TAF1B: variants seen among roughly 807,000 people sequenced by gnomAD.
The protein encoded by TAF1B is TATA-box binding protein associated factor, RNA polymerase I subunit B, also known as TATA box-binding protein-associated factor RNA polymerase I subunit B.
TAF1B carries 61 observed loss-of-function variants against 83.9 expected under a neutral mutation model. The ratio of observed to expected loss-of-function variants is 0.73; its 90% CI spans 0.59 to 0.90. The LOEUF (loss-of-function observed/expected upper bound fraction) is 0.90, where lower values mean the gene tolerates loss of function less well. TAF1B is among the 40% of genes least tolerant of loss of function. The pLI is 0.00. For synonymous variants in TAF1B, 221 were observed against 224.6 expected (o/e 0.98, Z 0.14); for missense variants, 625 against 677.0 (o/e 0.92, Z 0.85).
chr2:9,875,562 G>A (rs1429984634), intron 6 of TAF1B, among the ~76,000 whole-genome samples: 1 of 152,138 alleles, frequency 6.6e-6, no homozygotes, highest in East Asian at 1.9e-4. Flanking sequence ...CGTCTTACAT[G>A]GCAGCAGGCA....
At chr2:9,858,432 G>A (rs1663635653) in intron 5 of TAF1B, among the ~76,000 whole-genome samples, 1 of 152,216 alleles carries the variant, frequency 6.6e-6, no homozygotes, top group Admixed American at 6.5e-5. Flanking sequence ...AGTGCATGGT[G>A]CAAGATGTCA....
In TAF1B at chr2:9,865,135, A is replaced by T. The variant is rs1248113626; in HGVS notation, c.400-3141A>T. Among the ~76,000 whole-genome samples, 5 of 152,318 alleles carry T rather than the reference A, an allele frequency of 3.3e-5. No individual in the cohort carries two copies. The East Asian group carries it at 9.7e-4, about 29-fold the overall frequency. On this transcript the variant is annotated intron_variant, in intron 5 of 14. Coordinates refer to ENST00000263663, the MANE Select transcript of TAF1B (RefSeq NM_005680.3). ...AAATAAAGGGCATGCAATTAGGAAA[A>T]GAGGAAGTCAAATTGTCCCTGTTTG...
intron 5 of TAF1B, among the ~76,000 whole-genome samples, chr2:9,864,724 C>G (rs1170474714): frequency 6.6e-6 from 1 of 152,116 alleles, no homozygotes; most frequent in African/African-American, 2.4e-5. Context: ...AGCAGCACAT[C>G]AAAAAGCTTA....
At chr2:9,863,742 ACTGT>A (rs763952378) in intron 5 of TAF1B, among the ~76,000 whole-genome samples, 3 of 152,226 alleles carry the variant, frequency 2.0e-5, no homozygotes, top group Non-Finnish European at 2.9e-5. Context: ...ATTATAACAA[ACTGT>A]CTTTCAGACC....
At chr2:9,924,885 TC>T (rs1276373278) in intron 14 of TAF1B, among the ~76,000 whole-genome samples, 2 of 152,182 alleles carry the variant, frequency 1.3e-5, no homozygotes, top group Non-Finnish European at 2.9e-5. Flanking sequence ...TGTTTATTCT[TC>T]CTAGCTGAGG....
chr2:9,919,555 A>T, intron 13 of TAF1B, 43 bp from the exon 14 acceptor site: 1 of 1,531,980 alleles, frequency 6.5e-7, no homozygotes, highest in Non-Finnish European at 9.0e-7. Context: ...TTTGTGATTT[A>T]ACATTACTTG....
chr2:9,847,194 G>A (rs1014721305), intron 2 of TAF1B, among the ~76,000 whole-genome samples: 1 of 152,204 alleles, frequency 6.6e-6, no homozygotes, highest in African/African-American at 2.4e-5. Flanking sequence ...GTCAACTCCT[G>A]TGGAGTAATT....
At chr2:9,923,903 GC>G (rs1051705484) in intron 14 of TAF1B, among the ~76,000 whole-genome samples, 2 of 152,172 alleles carry the variant, frequency 1.3e-5, no homozygotes, top group African/African-American at 4.8e-5. Context: ...GCCATGCCCT[GC>G]CTCCTCCAGC....
At chr2:9,880,627 C>G (rs1572244157) in intron 7 of TAF1B, among the ~76,000 whole-genome samples, 3 of 152,168 alleles carry the variant, frequency 2.0e-5, no homozygotes, top group African/African-American at 7.2e-5. Context: ...TGTTGTGCTG[C>G]TTGAGACAGT....
intron 3 of TAF1B, among the ~76,000 whole-genome samples, chr2:9,849,742 T>C (rs945568470): frequency 3.2e-4 from 49 of 152,180 alleles, no homozygotes; most frequent in African/African-American, 1.1e-3. Flanking sequence ...ATTTCTTGTG[T>C]TGAATTTTGA....
intron 8 of TAF1B, among the ~76,000 whole-genome samples, chr2:9,894,544 G>C (rs1346088721): frequency 6.6e-6 from 1 of 152,150 alleles, no homozygotes; most frequent in African/African-American, 2.4e-5. Context: ...GAAACCAACA[G>C]TGAATTACTC....
chr2:9,921,707 G>C (rs1665885440), intron 14 of TAF1B, among the ~76,000 whole-genome samples: 1 of 152,000 alleles, frequency 6.6e-6, no homozygotes, highest in African/African-American at 2.4e-5. Context: ...TAATCAGTGG[G>C]GTATACAGGT....
intron 6 of TAF1B, among the ~76,000 whole-genome samples, chr2:9,872,325 T>TAA (rs34234383): frequency 0.018 from 2,509 of 138,068 alleles, 74 homozygotes; most frequent in African/African-American, 0.062. Context: ...GATTCCATCT[T>TAA]AAAAAAAAAA....
intron 11 of TAF1B, among the ~76,000 whole-genome samples, chr2:9,911,877 G>T (rs1033111932): frequency 1.3e-5 from 2 of 152,036 alleles, no homozygotes; most frequent in African/African-American, 4.8e-5. Context: ...TTCAGCCTTT[G>T]CTCTTGTTGG....
rs1399805639 is a variant in TAF1B at position 9,863,262 on chromosome 2, C to T, written c.400-5014C>T. On this transcript the variant is annotated intron_variant, in intron 5 of 14. Transcript: ENST00000263663. ...AAGGGATGGAGGAAGATCTACCAAGCAAATGGAAAGCAAAAAAAGGCAGGG... is the reference window on the plus strand; with the variant it reads ...AAGGGATGGAGGAAGATCTACCAAGTAAATGGAAAGCAAAAAAAGGCAGGG... Among the ~76,000 whole-genome samples, 3 of 152,078 alleles carry T rather than the reference C, an allele frequency of 2.0e-5. No individual in the cohort carries two copies. In the South Asian group the frequency reaches 6.2e-4, roughly 32 times the overall value.
chr2:9,847,154 A>G (rs1003624431), intron 2 of TAF1B, among the ~76,000 whole-genome samples: 1 of 152,196 alleles, frequency 6.6e-6, no homozygotes, highest in African/African-American at 2.4e-5. Flanking sequence ...AGATCCTAAT[A>G]CTTCTCCCTA....
At chr2:9,886,369 G>A (rs1023021129) in intron 8 of TAF1B, among the ~76,000 whole-genome samples, 1 of 152,168 alleles carries the variant, frequency 6.6e-6, no homozygotes, top group Non-Finnish European at 1.5e-5. Flanking sequence ...CTCAAATTAG[G>A]TTCGAGGAAG....
rs574246737 is a variant in TAF1B, at chr2:9,848,324, T to C, written c.118-1049T>C. On this transcript the variant is annotated intron_variant, in intron 2 of 14. Coordinates refer to ENST00000263663, the MANE Select transcript of TAF1B (RefSeq NM_005680.3). ...CAAATCTCTAAATTTAGAAAAACAG[T>C]AATGTCCTCTGTTGGTTAAAAATCC... Among the ~76,000 whole-genome samples, 8 of 152,298 alleles carry C rather than the reference T, an allele frequency of 5.3e-5. No homozygotes were observed. The South Asian group carries it at 8.3e-4, about 16-fold the overall frequency.
At chr2:9,885,309 A>C (rs1423938213) in intron 8 of TAF1B, among the ~76,000 whole-genome samples, 2 of 152,264 alleles carry the variant, frequency 1.3e-5, no homozygotes, top group African/African-American at 2.4e-5. Context: ...AGCAGGGATC[A>C]CATGAGATCA....
Sources: allele counts gnomAD v4.1 joint callset (sites outside exome capture counted in the v4.1 genomes callset), GRCh38; gene constraint gnomAD v4.1.1; transcripts MANE v1.5; gene names NCBI Gene and HGNC (gene_info 2026-07-23, HGNC 2026-07-21).